The following RDH13 variants were observed in gnomAD, a reference collection of about 807,000 sequenced individuals.
RDH13 encodes the protein retinol dehydrogenase 13, also known as retinol dehydrogenase 13 (all-trans and 9-cis).
RDH13 carries 35 observed loss-of-function variants against 28.3 expected under a neutral mutation model. That is an observed-to-expected ratio of 1.24 (90% CI 0.95 to 1.64). The LOEUF is 1.64. Ranked by LOEUF, RDH13 falls within the 40% of genes most tolerant of loss-of-function variation. RDH13 has a pLI of 0.00. For missense variants in RDH13, 514 were observed against 446.3 expected (o/e 1.15, Z -1.37); for synonymous variants, 229 against 198.5 (o/e 1.15, Z -1.29).
Position 55,045,188 on chromosome 19 carries a change from C to G in RDH13, c.882G>C (p.Lys294Asn), listed in dbSNP as rs2075173858. The G allele has an allele frequency of 6.2e-7, 1 of 1,613,560 alleles. No individual in the cohort carries two copies. The highest frequency in any genetic ancestry group is 1.3e-5 in the African/African-American group (1 of 74,940). ...SGKYFDGLKQ[K>N]APAPEAEDEE... ...CATCCTCAGCCTCGGGGGCCGGGGC[C>G]TTCTGTTTGAGTCCATCGAAGTACT... Residue 294 changes from lysine to asparagine, a missense_variant, in exon 7 of 7, where the codon AAG (lysine) becomes AAC (asparagine). Transcript: ENST00000415061.
intron 1 of RDH13, 143 bp downstream of exon 1, chr19:55,062,824 GT>G: frequency 1.5e-6 from 1 of 666,988 alleles, no homozygotes; most frequent in Non-Finnish European, 2.3e-6. Flanking sequence ...CAGAGCGCAG[GT>G]TTGCCCCACT....
At chr19:55,045,942 G>A (rs1297404891) in intron 6 of RDH13, among the ~76,000 whole-genome samples, 1 of 91,440 alleles carries the variant, frequency 1.1e-5, no homozygotes, top group Non-Finnish European at 2.0e-5. Flanking sequence ...GCAAGACTTC[G>A]TCTCAAAAAA....
intron 1 of RDH13, among the ~76,000 whole-genome samples, chr19:55,060,026 C>T (rs542125657): frequency 1.3e-5 from 2 of 151,970 alleles, no homozygotes; most frequent in South Asian, 4.1e-4. Flanking sequence ...TGCCCTTGAA[C>T]ACAGAGTATT....
intron 6 of RDH13, chr19:55,047,099 A>C: frequency 7.5e-7 from 1 of 1,328,578 alleles, no homozygotes; most frequent in Non-Finnish European, 9.7e-7. Context: ...GTGAAGCTGG[A>C]GTTACCCTGA....
chr19:55,063,061 A>AGGCGTCT lies in RDH13; in HGVS notation c.-30_-29insAGACGCC. 4.6e-6 allele frequency: 6 copies of AGGCGTCT among 1,307,702 alleles called. No homozygotes were observed. The highest frequency in any genetic ancestry group is 5.9e-6 in the Non-Finnish European group (6 of 1,015,154). The allele number at this position is 1,307,702 out of a possible 1,614,324, so 81.0% of individuals were successfully genotyped here. Reference sequence around the variant, plus strand: ...GGGCCGGGGACAGGCGTCAGGCGTCAGGGGTCGGCGCGGAGCTTGCTGCAC... The same window carrying AGGCGTCT: ...GGGCCGGGGACAGGCGTCAGGCGTCAGGCGTCTGGGGTCGGCGCGGAGCTTGCTGCAC... On this transcript the variant is annotated 5_prime_UTR_variant, in exon 1 of 7. Transcript: ENST00000415061.
intron 3 of RDH13, 123 bp from the exon 4 acceptor site, chr19:55,048,886 G>A: frequency 1.2e-6 from 1 of 848,388 alleles, no homozygotes; most frequent in South Asian, 1.6e-5. Flanking sequence ...AACAGGGTCT[G>A]TGCCGAAGTG....
upstream of RDH13, among the ~76,000 whole-genome samples, chr19:55,068,030 CCT>C (rs2075990236): frequency 6.7e-6 from 1 of 149,204 alleles, no homozygotes. Flanking sequence ...CTCTCCCCCT[CCT>C]GTGTCTCCTT....
chr19:55,045,398 TG>T, intron 6 of RDH13, 89 bp from the exon 7 acceptor site: 2 of 1,026,226 alleles, frequency 1.9e-6, no homozygotes, highest in Non-Finnish European at 2.9e-6. Flanking sequence ...TCCGGGTCCC[TG>T]GAGTCCCACA....
intron 1 of RDH13, 27 bp from the exon 2 acceptor site, chr19:55,059,302 T>A: frequency 6.7e-7 from 1 of 1,484,460 alleles, no homozygotes; most frequent in Non-Finnish European, 9.2e-7. Context: ...GCACGGTCAG[T>A]CCTGTGGGCC....
At position 55,048,420 on chromosome 19, in the gene RDH13, C is replaced by T; in HGVS notation, c.567G>A (p.Trp189Ter). ...AGHIDFDDLN[W>*]QTRKYNTKAA... ...CTTTGGTGTTATACTTCCTCGTCTG[C>T]CAGTTCAAGTCGTCAAAGTCTATGT... Residue 189 changes from tryptophan to a stop codon, truncating the protein, a stop_gained, in exon 5 of 7, where the codon TGG (tryptophan) becomes TGA (stop). Coordinates refer to ENST00000415061, the MANE Select transcript of RDH13 (RefSeq NM_001145971.2). LOFTEE classifies it high-confidence loss of function. 6.2e-7 allele frequency: 1 copy of T among 1,614,178 alleles called. No individual in the cohort carries two copies. The highest frequency in any genetic ancestry group is 8.5e-7 in the Non-Finnish European group (1 of 1,180,046).
intron 5 of RDH13, among the ~76,000 whole-genome samples, 193 bp from the exon 6 acceptor site, chr19:55,047,681 G>A (rs1338921571): frequency 6.6e-6 from 1 of 152,192 alleles, no homozygotes; most frequent in Non-Finnish European, 1.5e-5. Flanking sequence ...TGGCTGCTGG[G>A]AGCCGAGCTT....
chr19:55,039,440 T>G (rs2074957275), downstream of RDH13: 1 of 150,938 alleles, frequency 6.6e-6, no homozygotes, highest in African/African-American at 2.4e-5. Flanking sequence ...CCCAGCTACT[T>G]GGGAGACGGA....
chr19:55,052,405 G>C (rs1425033095), intron 3 of RDH13, among the ~76,000 whole-genome samples: 1 of 150,776 alleles, frequency 6.6e-6, no homozygotes, highest in Admixed American at 6.6e-5. Context: ...TTAGCCGGGC[G>C]TGGTGGCGCA....
chr19:55,047,364 C>G (rs539832438), intron 6 of RDH13, 23 bp downstream of exon 6: 1 of 1,606,938 alleles, frequency 6.2e-7, no homozygotes, highest in African/African-American at 1.3e-5. Context: ...CACGTGGAGA[C>G]CCCAGGCTGG....
chr19:55,059,404 C>T (rs2075741306), intron 1 of RDH13, 129 bp from the exon 2 acceptor site: 1 of 640,380 alleles, frequency 1.6e-6, no homozygotes, highest in Non-Finnish European at 2.8e-6. Flanking sequence ...GACATCATCA[C>T]ATCACACCAA....
At chr19:55,064,737 C>T (rs796535694), upstream of RDH13, among the ~76,000 whole-genome samples, 738 of 148,734 alleles carry the variant, frequency 5.0e-3, 13 homozygotes, top group East Asian at 0.034. Context: ...CTCAGCCTCC[C>T]GAGTAGCTGG....
chr19:55,069,335 A>G (rs970388396), exon 1 of RDH13: 9 of 151,988 alleles, frequency 5.9e-5, no homozygotes, highest in African/African-American at 2.2e-4. Flanking sequence ...AACCCCTTTC[A>G]GCTGGGAAGG....
Position 55,063,046 on chromosome 19 carries a change from C to A in RDH13, c.-14G>T. Reference sequence around the variant, plus strand: ...GTAGCGGCTCATGCCGGGCCGGGGACAGGCGTCAGGCGTCAGGGGTCGGCG... The same window carrying A: ...GTAGCGGCTCATGCCGGGCCGGGGAAAGGCGTCAGGCGTCAGGGGTCGGCG... On this transcript the variant is annotated 5_prime_UTR_variant, in exon 1 of 7. Transcript: ENST00000415061. 7.8e-7 allele frequency: 1 copy of A among 1,276,802 alleles called. No homozygotes were observed. Among genetic ancestry groups the A allele is most frequent in the South Asian group, 1.8e-5 (1 of 55,456 alleles). 79.1% of individuals were successfully genotyped at this position (1,276,802 alleles called of 1,614,324 possible). A position where few individuals can be genotyped will look rare whatever the true frequency, so the allele number is the denominator to read the frequency against.
chr19:55,050,932 G>C (rs577188611), intron 3 of RDH13: 1 of 149,328 alleles, frequency 6.7e-6, no homozygotes, highest in Non-Finnish European at 1.5e-5. Context: ...CAGGTTCAAA[G>C]CCTGGCTCCA....
Sources: gnomAD v4.1 joint callset for allele counts (sites outside exome capture counted in the v4.1 genomes callset) on GRCh38, gnomAD v4.1.1 for gene constraint, MANE v1.5 for transcripts, NCBI Gene and HGNC (gene_info 2026-07-23, HGNC 2026-07-21) for gene names.